UBASH3B: variants seen among roughly 807,000 people sequenced by gnomAD.
The protein encoded by UBASH3B is ubiquitin associated and SH3 domain containing B.
UBASH3B carries 37 observed loss-of-function variants against 83.4 expected under a neutral mutation model. The ratio of observed to expected loss-of-function variants is 0.44; its 90% confidence interval spans 0.34 to 0.58. The LOEUF is 0.58. Ranked by LOEUF, UBASH3B falls within the 20% of genes least tolerant of loss-of-function variation. UBASH3B has a pLI of 0.01. For synonymous variants in UBASH3B, 304 were observed against 318.3 expected (o/e 0.96, Z 0.48); for missense variants, 657 against 827.2 (o/e 0.79, Z 2.52).
intron 1 of UBASH3B, among the ~76,000 whole-genome samples, chr11:122,707,495 C>A (rs376882133): frequency 6.6e-6 from 1 of 152,064 alleles, no homozygotes; most frequent in South Asian, 2.1e-4. Flanking sequence ...TTTGAATGAG[C>A]CTTCTTTCTC....
In UBASH3B at chr11:122,769,084, G is replaced by A. The variant is rs189575673; in HGVS notation, c.162-7135G>A. 2.0e-5 allele frequency among the ~76,000 whole-genome samples: 3 copies of A among 152,294 alleles called. No homozygotes were observed. The East Asian group carries it at 5.8e-4, about 29-fold the overall frequency. On this transcript the variant is annotated intron_variant, in intron 1 of 13. Transcript: ENST00000284273. ...GAGGCTGGGTAATCTATAAAGAAAA[G>A]AGGATTATTTGGCTCTCAGTTCTGC...
intron 1 of UBASH3B, among the ~76,000 whole-genome samples, chr11:122,736,330 C>G (rs531757920): frequency 6.6e-6 from 1 of 152,068 alleles, no homozygotes; most frequent in East Asian, 1.9e-4. Context: ...CAACCTCATT[C>G]TATATTCTGA....
At chr11:122,671,097 G>A (rs545704094) in intron 1 of UBASH3B, among the ~76,000 whole-genome samples, 25 of 152,274 alleles carry the variant, frequency 1.6e-4, no homozygotes, top group Admixed American at 6.5e-5. Flanking sequence ...CAGTTTGTGT[G>A]ATGAGTGTTC....
chr11:122,677,339 G>A (rs1591764588), intron 1 of UBASH3B, among the ~76,000 whole-genome samples: 1 of 152,256 alleles, frequency 6.6e-6, no homozygotes, highest in Admixed American at 6.5e-5. Flanking sequence ...AGTACTGTAC[G>A]TTCTTTTCAA....
intron 1 of UBASH3B, among the ~76,000 whole-genome samples, chr11:122,693,897 A>G (rs1863927630): frequency 6.6e-6 from 1 of 152,092 alleles, no homozygotes; most frequent in Admixed American, 6.6e-5. Context: ...AGAAAGAAAG[A>G]ATGATGAGGC....
At chr11:122,718,910 GC>G (rs1860576173) in intron 1 of UBASH3B, among the ~76,000 whole-genome samples, 1 of 152,124 alleles carries the variant, frequency 6.6e-6, no homozygotes, top group Admixed American at 6.5e-5. Context: ...TTTGCTACAT[GC>G]CTGTAGTCCC....
At chr11:122,676,834 C>T (rs1368511343) in intron 1 of UBASH3B, among the ~76,000 whole-genome samples, 1 of 152,242 alleles carries the variant, frequency 6.6e-6, no homozygotes, top group Admixed American at 6.5e-5. Flanking sequence ...CCTTCCTGCT[C>T]ACCTTTGCCT....
intron 1 of UBASH3B, among the ~76,000 whole-genome samples, chr11:122,742,186 T>C (rs994144484): frequency 3.3e-5 from 5 of 152,222 alleles, no homozygotes; most frequent in African/African-American, 1.2e-4. Context: ...ACCTCAGGGA[T>C]TATTCAAGCC....
chr11:122,745,508 T>C (rs1454363197), intron 1 of UBASH3B, among the ~76,000 whole-genome samples: 2 of 152,230 alleles, frequency 1.3e-5, no homozygotes, highest in African/African-American at 2.4e-5. Context: ...GATGAAAGAA[T>C]GGATTCCGTT....
At chr11:122,688,075 G>T (rs1282585020) in intron 1 of UBASH3B, among the ~76,000 whole-genome samples, 1 of 152,024 alleles carries the variant, frequency 6.6e-6, no homozygotes, top group Non-Finnish European at 1.5e-5. Flanking sequence ...AACTGCCTTG[G>T]TTTCCCACCT....
chr11:122,743,193 C>A (rs775163705), intron 1 of UBASH3B, among the ~76,000 whole-genome samples: 45 of 152,048 alleles, frequency 3.0e-4, no homozygotes, highest in Non-Finnish European at 5.0e-4. Context: ...ACTTCTGGGA[C>A]CCTGGAACAA....
intron 1 of UBASH3B, among the ~76,000 whole-genome samples, chr11:122,735,596 T>C (rs1860918589): frequency 1.3e-5 from 2 of 152,186 alleles, no homozygotes; most frequent in Non-Finnish European, 1.5e-5. Context: ...GAATACACAG[T>C]GTGGGAAATG....
chr11:122,696,909 C>G (rs540247411), intron 1 of UBASH3B, among the ~76,000 whole-genome samples: 9 of 152,274 alleles, frequency 5.9e-5, no homozygotes, highest in Admixed American at 2.0e-4. Flanking sequence ...TTCCTCCCGC[C>G]CTGCCCTGTG....
At chr11:122,778,050 C>A (rs1005717633) in intron 3 of UBASH3B, among the ~76,000 whole-genome samples, 1 of 152,056 alleles carries the variant, frequency 6.6e-6, no homozygotes, top group Admixed American at 6.6e-5. Flanking sequence ...AAATATAATC[C>A]CCCTCACTAT....
chr11:122,672,955 G>A (rs1863618754), intron 1 of UBASH3B, among the ~76,000 whole-genome samples: 1 of 152,200 alleles, frequency 6.6e-6, no homozygotes, highest in African/African-American at 2.4e-5. Flanking sequence ...TTCTCAGGTT[G>A]GTTAGGGATG....
At chr11:122,784,454 G>A (rs1412419893) in intron 5 of UBASH3B, among the ~76,000 whole-genome samples, 1 of 152,160 alleles carries the variant, frequency 6.6e-6, no homozygotes, top group Admixed American at 6.5e-5. Context: ...GAGACCAGGA[G>A]TTCCAAACCA....
intron 5 of UBASH3B, among the ~76,000 whole-genome samples, chr11:122,788,683 C>T (rs563994795): frequency 2.4e-4 from 36 of 152,248 alleles, no homozygotes; most frequent in African/African-American, 7.5e-4. Flanking sequence ...CTCTGTAACC[C>T]CCGTATGGAA....
At chr11:122,691,498 A>G (rs1193807374) in intron 1 of UBASH3B, among the ~76,000 whole-genome samples, 2 of 152,214 alleles carry the variant, frequency 1.3e-5, no homozygotes, top group African/African-American at 2.4e-5. Flanking sequence ...CCTCTCGTGC[A>G]GGGAATGCAG....
At chr11:122,776,306 A>T in intron 2 of UBASH3B, 34 bp downstream of exon 2, 1 of 1,584,908 alleles carries the variant, frequency 6.3e-7, no homozygotes. Flanking sequence ...AGAAAATAGC[A>T]TATAATTAAC....
Sources: gnomAD v4.1 joint callset for allele counts (sites outside exome capture counted in the v4.1 genomes callset) on GRCh38, gnomAD v4.1.1 for gene constraint, MANE v1.5 for transcripts, NCBI Gene and HGNC (gene_info 2026-07-23, HGNC 2026-07-21) for gene names.